TGM1: variants seen among roughly 807,000 people sequenced by gnomAD.
TGM1 encodes transglutaminase 1, also known as protein-glutamine gamma-glutamyltransferase K.
TGM1 carries 63 observed loss-of-function variants against 88.7 expected under a neutral mutation model. That is an observed-to-expected ratio of 0.71 (90% CI 0.58 to 0.88). The LOEUF is 0.88. TGM1 is among the 40% of genes least tolerant of loss of function. The pLI, the probability that TGM1 is intolerant of heterozygous loss-of-function variation, is 0.00. For missense variants in TGM1, 996 were observed against 1,118.0 expected (o/e 0.89, Z 1.56); for synonymous variants, 415 against 431.1 (o/e 0.96, Z 0.46).
rs1250471474 is a variant in TGM1, at chr14:24,254,991, C to G, written c.1908G>C (p.Val636=). 6.2e-7 allele frequency: 1 copy of G among 1,613,930 alleles called. No homozygotes were observed. ...ACTTACAGGCCCCTGGTGCCAGCTC[C>G]ACTTCCTTCTTGGTCTCCTTGAAGA... The part of the protein sequence containing the change: ...GTIFKETKKE[V]ELAPGASDRV... Residue 636 remains valine (V), a synonymous_variant, in exon 12 of 15, where the codon GTG becomes GTC. Coordinates refer to ENST00000206765, the MANE Select transcript of TGM1 (RefSeq NM_000359.3).
intron 14 of TGM1, among the ~76,000 whole-genome samples, chr14:24,250,987 T>C (rs2040696512): frequency 1.3e-5 from 2 of 152,184 alleles, no homozygotes; most frequent in African/African-American, 4.8e-5. Context: ...AGCATTTGGC[T>C]TGGAACCTGG....
chr14:24,258,564 G>C lies in TGM1; in HGVS notation c.1269C>G (p.Pro423=), dbSNP rs572832245. The change falls in exon 8 of 15, where the codon CCC becomes CCG. Residue 423 remains proline, a synonymous_variant. Coordinates refer to ENST00000206765, the MANE Select transcript of TGM1 (RefSeq NM_000359.3). Reference sequence around the variant, plus strand: ...CAGAATCATGGTTCAGGTGCTCCAGGGGCTTCATGTTCTCGTCGAAGTAGA... The same window carrying C: ...CAGAATCATGGTTCAGGTGCTCCAGCGGCTTCATGTTCTCGTCGAAGTAGA... The part of the protein sequence containing the change: ...MDIYFDENMK[P]LEHLNHDSVW... 1 of 1,614,058 alleles carries C rather than the reference G, an allele frequency of 6.2e-7. No individual in the cohort carries two copies. Among genetic ancestry groups the C allele is most frequent in the Non-Finnish European group, 8.5e-7 (1 of 1,180,038 alleles).
intron 2 of TGM1, 49 bp from the exon 3 acceptor site, chr14:24,261,932 C>G (rs2040814150): frequency 6.2e-7 from 1 of 1,610,386 alleles, no homozygotes; most frequent in Non-Finnish European, 8.5e-7. Context: ...GGAGCCCAGG[C>G]CCTTATCATT....
chr14:24,251,952 C>A (rs2040704616), intron 14 of TGM1, among the ~76,000 whole-genome samples: 1 of 152,158 alleles, frequency 6.6e-6, no homozygotes, highest in Non-Finnish European at 1.5e-5. Flanking sequence ...GAGGGAAATT[C>A]CCAGGAAGGG....
At position 24,258,615 on chromosome 14, in the gene TGM1, G is replaced by C. The variant is rs781366138; in HGVS notation, c.1218C>G (p.Asp406Glu). 6.2e-7 allele frequency: 1 copy of C among 1,614,254 alleles called. No homozygotes were observed. Among genetic ancestry groups the C allele is most frequent in the East Asian group, 2.2e-5 (1 of 44,888 alleles). The change falls in exon 8 of 15, where the codon GAC (aspartate) becomes GAG (glutamate). Residue 406 changes from aspartate to glutamate, a missense_variant. Transcript: ENST00000206765. Reference protein sequence around the residue: ...RTVTNFNSAHDTDTSLTMDIY... With the variant: ...RTVTNFNSAHETDTSLTMDIY... The stretch of plus-strand genomic sequence containing the variant: ...TGTCCATGGTAAGGGATGTGTCTGT[G>C]TCGTGGGCGGAGTTGAAGTTGGTGA...
At position 24,262,017 on chromosome 14, in the gene TGM1, G is replaced by C. The variant is rs373549167; in HGVS notation, c.319+17C>G. ...AAGCCTTTTAGCTCTCAGCTGAGGA[G>C]GACAGACCGGCCTCACCTCGGATGG... is the stretch of plus-strand genomic sequence containing the variant. On this transcript the variant is annotated intron_variant, in intron 2 of 14. Coordinates refer to ENST00000206765, the MANE Select transcript of TGM1 (RefSeq NM_000359.3). 52 of 1,613,080 alleles carry C rather than the reference G, an allele frequency of 3.2e-5. No homozygotes were observed. In the African/African-American group the frequency reaches 6.5e-4, roughly 20 times the overall value.
Position 24,250,179 on chromosome 14 carries a change from T to TGTGTGTGTGTGTGTGA in TGM1, c.2226-639_2226-638insTCACACACACACACAC, listed in dbSNP as rs138497842. 3.6e-5 allele frequency among the ~76,000 whole-genome samples: 5 copies of TGTGTGTGTGTGTGTGA among 140,804 alleles called. No homozygotes were observed. The East Asian group carries it at 1.1e-3, about 31-fold the overall frequency. 92.4% of individuals were successfully genotyped at this position (140,804 alleles called of 152,430 possible). A position where few individuals can be genotyped will look rare whatever the true frequency, so the allele number is the denominator to read the frequency against. On this transcript the variant is annotated intron_variant, in intron 14 of 14. Transcript: ENST00000206765. The stretch of plus-strand genomic sequence containing the variant: ...GTGTGTGTGTGTGTGTGTGTGTGTG[T>TGTGTGTGTGTGTGTGA]GAGAGAGACAGAGAGGTGGGTGGAC...
At position 24,254,528 on chromosome 14, in the gene TGM1, C is replaced by T. The variant is rs866118513; in HGVS notation, c.2088+136G>A. 1.8e-5 allele frequency: 25 copies of T among 1,406,946 alleles called. No individual in the cohort carries two copies. In the Middle Eastern group the frequency reaches 1.8e-3, roughly 103 times the overall value. The allele number at this position is 1,406,946 out of a possible 1,614,324, so 87.2% of individuals were successfully genotyped here. A position where few individuals can be genotyped will look rare whatever the true frequency, so the allele number is the denominator to read the frequency against. ...GCTACAGATGAGGAAACTGAGGCCCCAGAGCCGGTCCTTGACCTTCTCCTA... is the reference window on the plus strand; with the variant it reads ...GCTACAGATGAGGAAACTGAGGCCCTAGAGCCGGTCCTTGACCTTCTCCTA... On this transcript the variant is annotated intron_variant, in intron 13 of 14. Coordinates refer to ENST00000206765, the MANE Select transcript of TGM1 (RefSeq NM_000359.3).
In TGM1 at chr14:24,249,278, C is replaced by G; in HGVS notation, c.*35G>C. Reference sequence around the variant, plus strand: ...CCTATCTTGGGGCAATGTCCTTGCTCATCTGACTCCAGTCCCATTGCTCCT... The same window carrying G: ...CCTATCTTGGGGCAATGTCCTTGCTGATCTGACTCCAGTCCCATTGCTCCT... On this transcript the variant is annotated 3_prime_UTR_variant, in exon 15 of 15. Coordinates refer to ENST00000206765, the MANE Select transcript of TGM1 (RefSeq NM_000359.3). The G allele has an allele frequency of 1.3e-6, 2 of 1,593,600 alleles. No homozygotes were observed. The highest frequency in any genetic ancestry group is 1.7e-6 in the Non-Finnish European group (2 of 1,164,874).
chr14:24,251,976 T>A (rs921021263), intron 14 of TGM1, among the ~76,000 whole-genome samples: 5 of 152,308 alleles, frequency 3.3e-5, no homozygotes, highest in Admixed American at 2.6e-4. Context: ...GGAACAGACT[T>A]CCAGCCTCTC....
Position 24,256,462 on chromosome 14 carries a change from C to T in TGM1, c.1403-385G>A, listed in dbSNP as rs41293810. Among the ~76,000 whole-genome samples the T allele has an allele frequency of 7.9e-5, 12 of 152,304 alleles. No individual in the cohort carries two copies. In the South Asian group the frequency reaches 8.3e-4, roughly 11 times the overall value. On this transcript the variant is annotated intron_variant, in intron 9 of 14. Coordinates refer to ENST00000206765, the MANE Select transcript of TGM1 (RefSeq NM_000359.3). ...CATCTGTGACCCCCAGAGGACAGGA[C>T]GCCCCATCCTTTATCATAACCAACC... is the stretch of plus-strand genomic sequence containing the variant.
At chr14:24,260,193 G>A in intron 4 of TGM1, 135 bp from the exon 5 acceptor site, 1 of 955,460 alleles carries the variant, frequency 1.0e-6, no homozygotes, top group Non-Finnish European at 1.7e-6. Context: ...GGACTGCTGT[G>A]GGAGGACACG....
At chr14:24,251,677 T>C (rs141367677) in intron 14 of TGM1, among the ~76,000 whole-genome samples, 84 of 152,366 alleles carry the variant, frequency 5.5e-4, no homozygotes, top group African/African-American at 1.9e-3. Flanking sequence ...GCTTGAAACA[T>C]GTTTAAAACT....
rs373431345 is a variant in TGM1 at position 24,254,293 on chromosome 14, G to A, written c.2089-5C>T. The A allele has an allele frequency of 1.9e-6, 3 of 1,613,970 alleles. No homozygotes were observed. The African/African-American group carries it at 4.0e-5, about 22-fold the overall frequency. ...AACCACTGCTGCTCCCAGTAACTGA[G>A]AGAAAAAGAGGCCCATCCCCCACGT... On this transcript the variant is annotated splice_polypyrimidine_tract_variant and splice_region_variant and intron_variant, in intron 13 of 14. Transcript: ENST00000206765.
At position 24,254,830 on chromosome 14, in the gene TGM1, G is replaced by A. The variant is rs1469446705; in HGVS notation, c.1928-6C>T. The A allele has an allele frequency of 3.7e-6, 6 of 1,613,688 alleles. No homozygotes were observed. Among genetic ancestry groups the A allele is most frequent in the Non-Finnish European group, 5.1e-6 (6 of 1,180,020 alleles). On this transcript the variant is annotated splice_region_variant and splice_polypyrimidine_tract_variant and intron_variant, in intron 12 of 14. Transcript: ENST00000206765. The stretch of plus-strand genomic sequence containing the variant: ...TGGCATGGTCACACGGTCCGCTGTG[G>A]AGAAGAGGCATGGCGTCACTGAGGC...
rs199742244 is a variant in TGM1 at position 24,261,672 on chromosome 14, G to A, written c.508+23C>T. 2.0e-4 allele frequency: 321 copies of A among 1,613,840 alleles called. 2 individuals are homozygous for A. In the East Asian group the frequency reaches 5.8e-3, roughly 29 times the overall value. ...CCCACCAAACATAGGGCCTTCACCC[G>A]TCCCAATCCAAGCCCCACTGACCGA... On this transcript the variant is annotated intron_variant, in intron 3 of 14. Transcript: ENST00000206765.
At chr14:24,256,130 C>G in intron 9 of TGM1, 53 bp from the exon 10 acceptor site, 11 of 1,447,830 alleles carry the variant, frequency 7.6e-6, no homozygotes, top group Non-Finnish European at 1.0e-5. Context: ...GGAGAGGGCT[C>G]TTCAGACCCT....
chr14:24,260,982 C>T (rs2040804209), intron 3 of TGM1, among the ~76,000 whole-genome samples: 1 of 152,204 alleles, frequency 6.6e-6, no homozygotes, highest in South Asian at 2.1e-4. Context: ...CACCTTCTGC[C>T]TGCCTGACTA....
chr14:24,262,441 TC>T, intron 1 of TGM1, 87 bp from the exon 2 acceptor site: 2 of 1,412,180 alleles, frequency 1.4e-6, no homozygotes, highest in Admixed American at 1.9e-5. Context: ...GCTGATTCAG[TC>T]CCACCCGATG....
Sources: gnomAD v4.1 joint callset for allele counts (sites outside exome capture counted in the v4.1 genomes callset) on GRCh38, gnomAD v4.1.1 for gene constraint, MANE v1.5 for transcripts, NCBI Gene and HGNC (gene_info 2026-07-23, HGNC 2026-07-21) for gene names.